The following TMEM132D variants were observed in gnomAD, a reference collection of about 807,000 sequenced individuals.
TMEM132D encodes mature OL transmembrane protein.
TMEM132D carries 21 observed loss-of-function variants against 62.3 expected under a neutral mutation model. The observed-to-expected ratio is 0.34, with a 90% CI of 0.24 to 0.49. The LOEUF (loss-of-function observed/expected upper bound fraction) is 0.49, where lower values mean the gene tolerates loss of function less well. TMEM132D is among the 20% of genes least tolerant of loss of function. TMEM132D has a pLI of 0.99. For synonymous variants in TMEM132D, 621 were observed against 575.6 expected (o/e 1.08, Z -1.13); for missense variants, 1,346 against 1,402.8 (o/e 0.96, Z 0.65).
intron 2 of TMEM132D, among the ~76,000 whole-genome samples, chr12:129,612,364 C>T (rs1878799357): frequency 1.3e-5 from 2 of 152,086 alleles, no homozygotes. Flanking sequence ...GCCTCCTGGC[C>T]AAGTTGCATA....
chr12:129,358,038 C>T (rs1870130060), intron 3 of TMEM132D, among the ~76,000 whole-genome samples: 1 of 152,134 alleles, frequency 6.6e-6, no homozygotes, highest in African/African-American at 2.4e-5. Flanking sequence ...ATTATGAAGT[C>T]AAATATGCAT....
intron 5 of TMEM132D, among the ~76,000 whole-genome samples, chr12:129,146,190 T>C (rs908266115): frequency 2.0e-5 from 3 of 152,114 alleles, no homozygotes; most frequent in Non-Finnish European, 2.9e-5. Context: ...CCAGAACGTA[T>C]TAGTCCTGCA....
In TMEM132D at chr12:129,431,698, C is replaced by T. The variant is rs74621176; in HGVS notation, c.1116-93881G>A. Among the ~76,000 whole-genome samples, 306 of 152,292 alleles carry T rather than the reference C, an allele frequency of 2.0e-3. 3 individuals carry two copies. The highest frequency in any genetic ancestry group is 7.0e-3 in the African/African-American group (292 of 41,568). The stretch of plus-strand genomic sequence containing the variant: ...CCATATATGAATTCTGATTATGCCA[C>T]TCTCCTGCTGGAAACCTCCATGGGT... On this transcript the variant is annotated intron_variant, in intron 3 of 8. Transcript: ENST00000422113.
intron 3 of TMEM132D, among the ~76,000 whole-genome samples, chr12:129,468,595 C>T (rs1426987872): frequency 6.6e-6 from 1 of 152,054 alleles, no homozygotes; most frequent in Non-Finnish European, 1.5e-5. Context: ...TTTTTGTATC[C>T]TCAAAATAAA....
intron 5 of TMEM132D, among the ~76,000 whole-genome samples, chr12:129,134,166 C>T (rs1316011788): frequency 1.4e-5 from 2 of 137,978 alleles, no homozygotes; most frequent in South Asian, 4.7e-4. Context: ...GTGTGTGTGT[C>T]TGTGTGTGTG....
At chr12:129,463,257 TTTTA>T (rs771980634) in intron 3 of TMEM132D, among the ~76,000 whole-genome samples, 95 of 152,162 alleles carry the variant, frequency 6.2e-4, no homozygotes, top group Non-Finnish European at 7.1e-4. Context: ...CCTTATTTTA[TTTTA>T]TTTATTTTTT....
At chr12:129,465,230 G>A (rs961448060) in intron 3 of TMEM132D, among the ~76,000 whole-genome samples, 1 of 152,048 alleles carries the variant, frequency 6.6e-6, no homozygotes, top group East Asian at 1.9e-4. Context: ...TCTCTTTGAA[G>A]CAATAAAATT....
intron 2 of TMEM132D, among the ~76,000 whole-genome samples, chr12:129,613,451 T>C (rs1290295045): frequency 1.3e-5 from 2 of 152,170 alleles, no homozygotes; most frequent in Non-Finnish European, 2.9e-5. Context: ...TTGCTGTGAT[T>C]GGGGAAGATA....
chr12:129,220,676 C>A (rs532769795), intron 4 of TMEM132D, among the ~76,000 whole-genome samples: 2 of 152,264 alleles, frequency 1.3e-5, no homozygotes, highest in African/African-American at 4.8e-5. Context: ...ATGCTTCACC[C>A]CATCTCCCAG....
intron 3 of TMEM132D, among the ~76,000 whole-genome samples, chr12:129,476,728 G>A (rs966797850): frequency 6.6e-6 from 1 of 152,176 alleles, no homozygotes; most frequent in Admixed American, 6.5e-5. Context: ...TGCATTGTAG[G>A]ATGCTCAGAT....
chr12:129,260,329 C>A (rs12814678), intron 4 of TMEM132D, among the ~76,000 whole-genome samples: 3 of 152,082 alleles, frequency 2.0e-5, no homozygotes, highest in African/African-American at 7.2e-5. Context: ...CCACTTCCTT[C>A]GGCACCCTGG....
chr12:129,332,891 A>C (rs1456491376), intron 4 of TMEM132D, among the ~76,000 whole-genome samples: 2 of 152,206 alleles, frequency 1.3e-5, no homozygotes, highest in Non-Finnish European at 2.9e-5. Flanking sequence ...ATTTGTGTTT[A>C]GTAGCTATAG....
intron 3 of TMEM132D, among the ~76,000 whole-genome samples, chr12:129,494,683 A>G (rs555998449): frequency 1.3e-5 from 2 of 152,228 alleles, no homozygotes; most frequent in East Asian, 3.9e-4. Flanking sequence ...CCCTCAAAAA[A>G]AGAGAATGGA....
chr12:129,337,062 T>C (rs560987178), intron 4 of TMEM132D, among the ~76,000 whole-genome samples: 1 of 152,332 alleles, frequency 6.6e-6, no homozygotes, highest in East Asian at 1.9e-4. Flanking sequence ...CATTTCCTAA[T>C]GAACAACACA....
chr12:129,416,209 G>A (rs1872116446), intron 3 of TMEM132D, among the ~76,000 whole-genome samples: 1 of 152,276 alleles, frequency 6.6e-6, no homozygotes, highest in African/African-American at 2.4e-5. Flanking sequence ...TTTTCCATTT[G>A]TTTGTGTCCT....
intron 2 of TMEM132D, among the ~76,000 whole-genome samples, chr12:129,642,602 G>T (rs1237778084): frequency 1.3e-5 from 2 of 152,110 alleles, no homozygotes; most frequent in Non-Finnish European, 2.9e-5. Context: ...TATCCTTTGG[G>T]GTAGGCCACC....
intron 5 of TMEM132D, among the ~76,000 whole-genome samples, chr12:129,130,422 GC>G (rs1172192639): frequency 6.6e-6 from 1 of 152,098 alleles, no homozygotes; most frequent in African/African-American, 2.4e-5. Context: ...TCCTGACTCT[GC>G]CCCTCCCTTC....
chr12:129,752,278 G>A (rs891327910), intron 1 of TMEM132D, among the ~76,000 whole-genome samples: 4 of 152,026 alleles, frequency 2.6e-5, no homozygotes, highest in African/African-American at 7.2e-5. Flanking sequence ...TAGCATTATC[G>A]GAATATAACT....
chr12:129,885,400 G>C (rs1284309756), intron 1 of TMEM132D, among the ~76,000 whole-genome samples: 3 of 152,208 alleles, frequency 2.0e-5, no homozygotes, highest in Non-Finnish European at 4.4e-5. Flanking sequence ...TGAAGGACCT[G>C]CTCCAGGGTT....
Sources: gnomAD v4.1 joint callset for allele counts (sites outside exome capture counted in the v4.1 genomes callset) on GRCh38, gnomAD v4.1.1 for gene constraint, MANE v1.5 for transcripts, NCBI Gene and HGNC (gene_info 2026-07-23, HGNC 2026-07-21) for gene names.